Variants in COG1 observed in about 807,000 individuals in gnomAD.
COG1 encodes the protein component of oligomeric golgi complex 1.
A neutral mutation model predicts 102.2 loss-of-function variants in COG1; 61 were observed. The ratio of observed to expected loss-of-function variants is 0.60; its 90% confidence interval spans 0.49 to 0.74. The LOEUF is 0.74. Ranked by LOEUF, COG1 falls within the 30% of genes least tolerant of loss-of-function variation. The pLI, the probability that COG1 is intolerant of heterozygous loss-of-function variation, is 0.00. For missense variants in COG1, 1,164 were observed against 1,232.1 expected (o/e 0.94, Z 0.83); for synonymous variants, 454 against 493.6 (o/e 0.92, Z 1.06).
At chr17:73,198,455 A>G (rs2145094626) in intron 4 of COG1, among the ~76,000 whole-genome samples, 1 of 152,236 alleles carries the variant, frequency 6.6e-6, no homozygotes, top group South Asian at 2.1e-4. Flanking sequence ...GTGTGGTGGC[A>G]TGCCCCTGTG....
At chr17:73,203,815 C>T in intron 9 of COG1, 22 bp downstream of exon 9, 1 of 1,613,710 alleles carries the variant, frequency 6.2e-7, no homozygotes, top group South Asian at 1.1e-5. Flanking sequence ...AATGTTTGCC[C>T]ATTAAAAACA....
intron 8 of COG1, 70 bp from the exon 9 acceptor site, chr17:73,203,562 T>A: frequency 6.3e-7 from 1 of 1,578,214 alleles, no homozygotes; most frequent in Non-Finnish European, 8.7e-7. Flanking sequence ...TAAGATTAAG[T>A]GGATTCACTT....
chr17:73,197,499 A>G, intron 4 of COG1, 103 bp downstream of exon 4: 1 of 1,251,106 alleles, frequency 8.0e-7, no homozygotes, highest in South Asian at 1.2e-5. Flanking sequence ...GGGATGGAGC[A>G]GTGAACTGGA....
At chr17:73,199,352 C>A (rs557496034) in intron 4 of COG1, among the ~76,000 whole-genome samples, 1 of 152,116 alleles carries the variant, frequency 6.6e-6, no homozygotes, top group Admixed American at 6.5e-5. Flanking sequence ...GCATAGCACT[C>A]ATTTCTTCTT....
chr17:73,198,966 CCTT>C (rs1240141465), intron 4 of COG1, among the ~76,000 whole-genome samples: 12 of 152,218 alleles, frequency 7.9e-5, no homozygotes, highest in African/African-American at 2.9e-4. Flanking sequence ...AACTCCACCT[CCTT>C]ATGCTTCGCT....
At chr17:73,208,046 G>A in intron 13 of COG1, 1 of 1,367,190 alleles carries the variant, frequency 7.3e-7, no homozygotes, top group Non-Finnish European at 9.5e-7. Context: ...GCCCACATTA[G>A]GTTAGCAGGC....
chr17:73,203,047 C>T lies in COG1; in HGVS notation c.2121C>T (p.Gly707=). 6.2e-7 allele frequency: 1 copy of T among 1,614,170 alleles called. No homozygotes were observed. The highest frequency in any genetic ancestry group is 2.2e-5 in the East Asian group (1 of 44,882). The change falls in exon 8 of 14, where the codon GGC becomes GGT. Residue 707 remains glycine (G), a synonymous_variant. Coordinates refer to ENST00000299886, the MANE Select transcript of COG1 (RefSeq NM_018714.3). ...FTQSLLLDDA[G]SVLATATSWD... ...AGTCATTACTTCTAGATGATGCTGGCTCAGTTCTGGCCACAGCCACCAGCT... is the reference window on the plus strand; with the variant it reads ...AGTCATTACTTCTAGATGATGCTGGTTCAGTTCTGGCCACAGCCACCAGCT...
chr17:73,199,716 AG>A (rs2061339263), intron 4 of COG1, 148 bp from the exon 5 acceptor site: 1 of 836,970 alleles, frequency 1.2e-6, no homozygotes. Flanking sequence ...CTGCAACTAC[AG>A]GTGTGCACCA....
At position 73,205,690 on chromosome 17, in the gene COG1, C is replaced by A. The variant is rs1309644927; in HGVS notation, c.2510+10C>A. 6.2e-7 allele frequency: 1 copy of A among 1,613,350 alleles called. No homozygotes were observed. The highest frequency in any genetic ancestry group is 8.5e-7 in the Non-Finnish European group (1 of 1,179,992). On this transcript the variant is annotated intron_variant, in intron 10 of 13. Coordinates refer to ENST00000299886, the MANE Select transcript of COG1 (RefSeq NM_018714.3). ...GCAAGCCAGACTCCAGGTGTCGTAT[C>A]CTCTAGGGAGCTATGTCAAGGCGGT...
Position 73,197,409 on chromosome 17 carries a change from C to T in COG1, c.913+13C>T. ...CAGCATCCTGCCGGTGAGCTCTTAG[C>T]CAAGCTTTTTAAATTCTGGTTCACT... On this transcript the variant is annotated intron_variant, in intron 4 of 13. Coordinates refer to ENST00000299886, the MANE Select transcript of COG1 (RefSeq NM_018714.3). The T allele has an allele frequency of 6.2e-7, 1 of 1,613,562 alleles. No individual in the cohort carries two copies. The highest frequency in any genetic ancestry group is 8.5e-7 in the Non-Finnish European group (1 of 1,179,980).
At chr17:73,208,037 C>T (rs1300801853) in intron 13 of COG1, 4 of 1,350,654 alleles carry the variant, frequency 3.0e-6, no homozygotes, top group South Asian at 1.5e-5. Flanking sequence ...TTCAGTTCTG[C>T]CCACATTAGG....
chr17:73,200,135 G>A, intron 5 of COG1, 114 bp downstream of exon 5: 1 of 1,279,858 alleles, frequency 7.8e-7, no homozygotes, highest in Non-Finnish European at 1.1e-6. Context: ...TGGATGGCGT[G>A]CTGCCCATCA....
At position 73,201,206 on chromosome 17, in the gene COG1, C is replaced by T. The variant is rs1443285928; in HGVS notation, c.1379C>T (p.Pro460Leu). Reference sequence around the variant, plus strand: ...CTTGAAAGCAGCACCAGCAACTCCCCTTCAAATAAGCACATCCACTTTGAG... The same window carrying T: ...CTTGAAAGCAGCACCAGCAACTCCCTTTCAAATAAGCACATCCACTTTGAG... ...QELESSTSNSPSNKHIHFEYN... is the reference protein window; with the variant it reads ...QELESSTSNSLSNKHIHFEYN... The change falls in exon 7 of 14, where the codon CCT becomes CTT. Residue 460 changes from proline to leucine, a missense_variant. Transcript: ENST00000299886. 1 of 1,614,176 alleles carries T rather than the reference C, an allele frequency of 6.2e-7. No homozygotes were observed. The highest frequency in any genetic ancestry group is 1.1e-5 in the South Asian group (1 of 91,080).
intron 4 of COG1, among the ~76,000 whole-genome samples, chr17:73,197,864 G>A (rs537376597): frequency 3.2e-4 from 48 of 152,328 alleles, no homozygotes; most frequent in African/African-American, 1.1e-3. Flanking sequence ...GCAGAGACTG[G>A]AGGTGGGGCC....
intron 13 of COG1, chr17:73,207,970 C>T (rs2061388866): frequency 8.0e-7 from 1 of 1,248,956 alleles, no homozygotes; most frequent in Admixed American, 3.6e-5. Flanking sequence ...ACCATCCAGT[C>T]CCTAAGCATG....
At chr17:73,206,659 T>A in intron 11 of COG1, 49 bp from the exon 12 acceptor site, 2 of 1,185,878 alleles carry the variant, frequency 1.7e-6, no homozygotes, top group Non-Finnish European at 2.5e-6. Flanking sequence ...TTTTTTTGCC[T>A]TTCTTTTACC....
chr17:73,200,901 C>A (rs1431324665), intron 6 of COG1, 125 bp downstream of exon 6: 4 of 1,018,834 alleles, frequency 3.9e-6, no homozygotes, highest in Non-Finnish European at 6.0e-6. Context: ...GATCCAGAGT[C>A]TAGAGCTGAA....
intron 10 of COG1, 171 bp from the exon 11 acceptor site, chr17:73,205,983 T>C (rs1015616022): frequency 2.8e-6 from 2 of 701,872 alleles, no homozygotes; most frequent in African/African-American, 1.8e-5. Context: ...GGACTTCACT[T>C]AGACATCATG....
intron 7 of COG1, among the ~76,000 whole-genome samples, chr17:73,202,645 G>A (rs572443101): frequency 2.0e-4 from 31 of 152,216 alleles, no homozygotes; most frequent in African/African-American, 6.5e-4. Flanking sequence ...GAAATTATTC[G>A]GATGTGATGG....
Sources: gnomAD v4.1 joint callset for allele counts (sites outside exome capture counted in the v4.1 genomes callset) on GRCh38, gnomAD v4.1.1 for gene constraint, MANE v1.5 for transcripts, NCBI Gene and HGNC (gene_info 2026-07-23, HGNC 2026-07-21) for gene names.